Variants in PRR16 observed in about 807,000 individuals in gnomAD.
The protein encoded by PRR16 is proline rich 16, also known as protein Largen.
PRR16 carries 6 observed loss-of-function variants against 18.2 expected under a neutral mutation model. The observed-to-expected ratio is 0.33, with a 90% CI of 0.18 to 0.65. The LOEUF (loss-of-function observed/expected upper bound fraction) is 0.65. PRR16 is among the 30% of genes least tolerant of loss of function. The pLI is 0.74. For synonymous variants in PRR16, 151 were observed against 147.8 expected (o/e 1.02, Z -0.16); for missense variants, 412 against 376.6 (o/e 1.09, Z -0.78).
At chr5:120,634,796 A>G (rs1262060489) in intron 1 of PRR16, among the ~76,000 whole-genome samples, 1 of 152,172 alleles carries the variant, frequency 6.6e-6, no homozygotes, top group East Asian at 1.9e-4. Context: ...AGCAACAGCA[A>G]CAACAAAAAT....
At chr5:120,783,519 TTTC>T in the PRR16 span, among the ~76,000 whole-genome samples, 2 of 152,166 alleles carry the variant, frequency 1.3e-5, no homozygotes, top group Non-Finnish European at 2.9e-5. Flanking sequence ...TTCCCTCAAC[TTTC>T]TTTTTTCAAA....
intron 1 of PRR16, among the ~76,000 whole-genome samples, chr5:120,653,093 A>T (rs111942493): frequency 1.0e-3 from 154 of 152,144 alleles, no homozygotes; most frequent in African/African-American, 3.4e-3. Context: ...GGCAAAATTA[A>T]TTCATGCTAT....
intron 1 of PRR16, among the ~76,000 whole-genome samples, chr5:120,620,600 A>C (rs1416977403): frequency 6.6e-6 from 1 of 152,146 alleles, no homozygotes; most frequent in African/African-American, 2.4e-5. Context: ...GTTGTCTGTC[A>C]AGGTTCTATG....
intron 1 of PRR16, among the ~76,000 whole-genome samples, chr5:120,612,056 G>C (rs1307895736): frequency 6.6e-6 from 1 of 152,100 alleles, no homozygotes; most frequent in African/African-American, 2.4e-5. Context: ...TCATTTTGGG[G>C]CTTTAAAATT....
chr5:120,749,182 A>G, the PRR16 span, among the ~76,000 whole-genome samples: 4 of 152,238 alleles, frequency 2.6e-5, no homozygotes, highest in South Asian at 6.2e-4. Flanking sequence ...AAAACACTAG[A>G]AAAATAAAGG....
downstream of PRR16, among the ~76,000 whole-genome samples, chr5:120,689,898 G>T (rs146211213): frequency 4.6e-3 from 701 of 152,020 alleles, 5 homozygotes; most frequent in African/African-American, 0.016. Context: ...AAAGGGAAAT[G>T]AAACACATTT....
At chr5:120,612,906 C>T (rs1034880739) in intron 1 of PRR16, among the ~76,000 whole-genome samples, 1 of 152,086 alleles carries the variant, frequency 6.6e-6, no homozygotes, top group Non-Finnish European at 1.5e-5. Flanking sequence ...AGACTGGGCA[C>T]TCAAATGGGA....
chr5:120,659,586 T>C (rs1369012495), intron 1 of PRR16, among the ~76,000 whole-genome samples: 2 of 152,076 alleles, frequency 1.3e-5, no homozygotes, highest in African/African-American at 4.8e-5. Context: ...GAATATTGCA[T>C]TTATAGCTAT....
At chr5:120,606,813 G>A (rs1319895083) in intron 1 of PRR16, among the ~76,000 whole-genome samples, 2 of 152,056 alleles carry the variant, frequency 1.3e-5, no homozygotes, top group Non-Finnish European at 2.9e-5. Context: ...AGGCTGAGGT[G>A]GTAGGATCAC....
At chr5:120,647,892 T>C (rs1250754670) in intron 1 of PRR16, among the ~76,000 whole-genome samples, 1 of 152,066 alleles carries the variant, frequency 6.6e-6, no homozygotes, top group Non-Finnish European at 1.5e-5. Flanking sequence ...TATTGAGATC[T>C]TGAGTTAGGG....
the PRR16 span, among the ~76,000 whole-genome samples, chr5:120,701,534 A>C: frequency 2.8e-4 from 42 of 152,208 alleles, no homozygotes; most frequent in Admixed American, 1.0e-3. Flanking sequence ...CTAGTCACGG[A>C]ACGAAACTGA....
At chr5:120,469,745 G>C (rs546236774) in intron 1 of PRR16, among the ~76,000 whole-genome samples, 1 of 152,218 alleles carries the variant, frequency 6.6e-6, no homozygotes, top group South Asian at 2.1e-4. Context: ...CCAAACTGTG[G>C]TATATTTACC....
In PRR16 at chr5:120,686,363, G is replaced by T. The variant is rs1267720877; in HGVS notation, c.569G>T (p.Arg190Ile). Residue 190 changes from arginine to isoleucine, a missense_variant, in exon 2 of 2, where the codon AGA (arginine) becomes ATA (isoleucine). Arg to Ile is a moderately conservative substitution (Grantham distance 97, BLOSUM62 -3). Transcript: ENST00000407149. ...GCTCCAGTCCAGCTTCTGATGCATA[G>T]ACCTGAAAAAGACAGATGTCCCCAG... ...DKAPVQLLMH[R>I]PEKDRCPQAG... The T allele has an allele frequency of 1.2e-6, 2 of 1,614,142 alleles. No homozygotes were observed. Among genetic ancestry groups the T allele is most frequent in the Non-Finnish European group, 1.7e-6 (2 of 1,180,026 alleles).
the PRR16 span, among the ~76,000 whole-genome samples, chr5:120,715,921 T>G: frequency 6.6e-6 from 1 of 152,134 alleles, no homozygotes; most frequent in Non-Finnish European, 1.5e-5. Flanking sequence ...TTGCTTGCTG[T>G]GCACTAGAAA....
chr5:120,733,316 A>G, the PRR16 span, among the ~76,000 whole-genome samples: 1 of 151,938 alleles, frequency 6.6e-6, no homozygotes, highest in Non-Finnish European at 1.5e-5. Flanking sequence ...ATGCCCATTA[A>G]GTTTAAAATT....
intron 1 of PRR16, among the ~76,000 whole-genome samples, chr5:120,496,831 G>A (rs1750260370): frequency 6.6e-6 from 1 of 151,814 alleles, no homozygotes; most frequent in Non-Finnish European, 1.5e-5. Flanking sequence ...ACTAATTTAA[G>A]TGTGCAGTGC....
intron 1 of PRR16, among the ~76,000 whole-genome samples, chr5:120,631,494 G>A (rs1353922137): frequency 6.6e-6 from 1 of 152,136 alleles, no homozygotes; most frequent in Non-Finnish European, 1.5e-5. Context: ...TGTTATGGGG[G>A]CACAATGGGA....
At chr5:120,685,479 C>G (rs945016960) in intron 1 of PRR16, among the ~76,000 whole-genome samples, 2 of 152,254 alleles carry the variant, frequency 1.3e-5, no homozygotes, top group East Asian at 1.9e-4. Context: ...AAACTCTCAA[C>G]AGTTGAGTTC....
At position 120,516,108 on chromosome 5, in the gene PRR16, A is replaced by AAAACC. The variant is rs554533064; in HGVS notation, c.159+51487_159+51491dup. 3.3e-3 allele frequency among the ~76,000 whole-genome samples: 507 copies of AAAACC among 152,242 alleles called. 1 individual carries two copies. The highest frequency in any genetic ancestry group is 0.011 in the African/African-American group (463 of 41,536). Reference sequence around the variant, plus strand: ...GACTGAAAATTTTCTGCTAGAAAGCAAAACCAAACCAAACCAAACCAAACC... The same window carrying AAAACC: ...GACTGAAAATTTTCTGCTAGAAAGCAAAACCAAACCAAACCAAACCAAACCAAACC... On this transcript the variant is annotated intron_variant, in intron 1 of 1. Coordinates refer to ENST00000407149, the MANE Select transcript of PRR16 (RefSeq NM_001300783.2).
Sources: allele counts gnomAD v4.1 joint callset (sites outside exome capture counted in the v4.1 genomes callset), GRCh38; gene constraint gnomAD v4.1.1; transcripts MANE v1.5; gene names NCBI Gene and HGNC (gene_info 2026-07-23, HGNC 2026-07-21).